The following TPH2 variants were observed in gnomAD, a reference collection of about 807,000 sequenced individuals.
TPH2 encodes the protein tryptophan 5-hydroxylase 2.
In TPH2, 27 loss-of-function variants were observed where a neutral mutation model predicts 59.1. The ratio of observed to expected loss-of-function variants is 0.46; its 90% CI spans 0.34 to 0.63. TPH2 has a LOEUF of 0.63. Among genes scored for constraint, TPH2 ranks in the 30% least tolerant of loss-of-function variants. TPH2 has a pLI of 0.01. For synonymous variants in TPH2, 220 were observed against 210.5 expected (o/e 1.05, Z -0.39); for missense variants, 523 against 588.3 (o/e 0.89, Z 1.15).
chr12:71,945,390 T>C (rs1349304909), intron 4 of TPH2, among the ~76,000 whole-genome samples: 1 of 152,160 alleles, frequency 6.6e-6, no homozygotes, highest in Non-Finnish European at 1.5e-5. Flanking sequence ...GTTAATAGTC[T>C]GGGAGAAGTA....
Position 72,031,587 on chromosome 12 carries a change from A to T in TPH2, c.1365A>T (p.Glu455Asp). Reference sequence around the variant, plus strand: ...TCAATCCCTACACACAGAGTATTGAAATTCTGAAAGACACCAGAAGTATTG... The same window carrying T: ...TCAATCCCTACACACAGAGTATTGATATTCTGAAAGACACCAGAAGTATTG... ...VYFNPYTQSIEILKDTRSIEN... is the reference protein window; with the variant it reads ...VYFNPYTQSIDILKDTRSIEN... Residue 455 changes from glutamate (E) to aspartate (D), a missense_variant, in exon 11 of 11, where the codon GAA (glutamate) becomes GAT (aspartate). Physicochemically the swap from Glu to Asp is conservative, Grantham distance 45 (BLOSUM62 2). Transcript: ENST00000333850. 1.2e-6 allele frequency: 2 copies of T among 1,613,656 alleles called. No individual in the cohort carries two copies. Among genetic ancestry groups the T allele is most frequent in the Non-Finnish European group, 1.7e-6 (2 of 1,179,652 alleles).
chr12:71,971,509 C>T (rs754834909), intron 5 of TPH2, among the ~76,000 whole-genome samples: 3 of 152,174 alleles, frequency 2.0e-5, no homozygotes, highest in Non-Finnish European at 4.4e-5. Flanking sequence ...GTATTCTCCT[C>T]CTTCTACCCA....
At chr12:71,977,294 C>T (rs1055328254) in intron 6 of TPH2, among the ~76,000 whole-genome samples, 2 of 152,080 alleles carry the variant, frequency 1.3e-5, no homozygotes, top group Admixed American at 6.6e-5. Flanking sequence ...TGGCTTCAAA[C>T]CATCCACCCA....
intron 7 of TPH2, among the ~76,000 whole-genome samples, chr12:71,985,334 TTTGTTGTTG>T (rs575391023): frequency 1.3e-5 from 2 of 152,064 alleles, no homozygotes; most frequent in Admixed American, 6.5e-5. Context: ...GAATAGCATT[TTTGTTGTTG>T]TTGTTGTTGT....
chr12:72,016,057 T>C (rs1417314516), intron 8 of TPH2, among the ~76,000 whole-genome samples: 1 of 152,226 alleles, frequency 6.6e-6, no homozygotes, highest in Non-Finnish European at 1.5e-5. Flanking sequence ...GGGAAACTTG[T>C]GCATGATTCC....
intron 5 of TPH2, among the ~76,000 whole-genome samples, chr12:71,954,939 T>C (rs2632290): frequency 6.6e-6 from 1 of 152,188 alleles, no homozygotes; most frequent in African/African-American, 2.4e-5. Flanking sequence ...TTGCTTAAAT[T>C]GATTTTGAAT....
chr12:71,943,089 T>G (rs1871117435), intron 2 of TPH2, among the ~76,000 whole-genome samples: 1 of 152,210 alleles, frequency 6.6e-6, no homozygotes, highest in African/African-American at 2.4e-5. Context: ...ACACAATGTA[T>G]GTGAAGTCTA....
chr12:71,952,692 C>T (rs1215712492), intron 5 of TPH2, among the ~76,000 whole-genome samples: 1 of 152,154 alleles, frequency 6.6e-6, no homozygotes, highest in East Asian at 1.9e-4. Context: ...GCATTGGACT[C>T]CAATAGTCTG....
At chr12:71,991,029 T>C (rs563825336) in intron 7 of TPH2, among the ~76,000 whole-genome samples, 1 of 152,338 alleles carries the variant, frequency 6.6e-6, no homozygotes, top group South Asian at 2.1e-4. Context: ...TCCTCTTCTA[T>C]GTGTAGTTAG....
chr12:72,008,164 T>C (rs572058431), intron 8 of TPH2, among the ~76,000 whole-genome samples: 1 of 152,276 alleles, frequency 6.6e-6, no homozygotes, highest in Admixed American at 6.5e-5. Context: ...TGATCAAAGG[T>C]GGCTTCCTGA....
At chr12:71,993,771 G>A (rs1021989805) in intron 7 of TPH2, among the ~76,000 whole-genome samples, 3 of 152,214 alleles carry the variant, frequency 2.0e-5, no homozygotes, top group African/African-American at 7.2e-5. Flanking sequence ...TTGCCTGGCA[G>A]AGTGTAACAG....
intron 5 of TPH2, among the ~76,000 whole-genome samples, chr12:71,960,443 AT>A (rs537539672): frequency 4.4e-4 from 67 of 152,360 alleles, no homozygotes; most frequent in African/African-American, 1.6e-3. Context: ...TCTTATAAGT[AT>A]TTAAAATACT....
At chr12:71,947,815 C>T (rs1349896308) in intron 4 of TPH2, among the ~76,000 whole-genome samples, 2 of 152,086 alleles carry the variant, frequency 1.3e-5, no homozygotes, top group Non-Finnish European at 2.9e-5. Context: ...GAGTAAATCG[C>T]TCTCTTGCGT....
Position 72,031,619 on chromosome 12 carries a change from T to C in TPH2, c.1397T>C (p.Val466Ala). ...ILKDTRSIEN[V>A]VQDLRSDLNT... ...AAAGACACCAGAAGTATTGAAAATG[T>C]GGTGCAGGACCTTCGCAGCGACTTG... The change falls in exon 11 of 11, where the codon GTG (valine) becomes GCG (alanine). Residue 466 changes from valine to alanine, a missense_variant. Transcript: ENST00000333850. The C allele has an allele frequency of 6.2e-7, 1 of 1,613,684 alleles. No individual in the cohort carries two copies. Among genetic ancestry groups the C allele is most frequent in the Non-Finnish European group, 8.5e-7 (1 of 1,179,624 alleles).
At chr12:71,942,002 C>A (rs150631529) in intron 2 of TPH2, among the ~76,000 whole-genome samples, 1 of 152,112 alleles carries the variant, frequency 6.6e-6, no homozygotes, top group Non-Finnish European at 1.5e-5. Context: ...ACTTCAAAAA[C>A]GTGAGCTTCA....
chr12:72,018,528 A>G (rs1873319406), intron 8 of TPH2, among the ~76,000 whole-genome samples: 1 of 152,212 alleles, frequency 6.6e-6, no homozygotes, highest in Non-Finnish European at 1.5e-5. Flanking sequence ...ACCATGAATT[A>G]TGTATGCATT....
At chr12:71,980,350 G>A (rs1383722933) in intron 7 of TPH2, among the ~76,000 whole-genome samples, 5 of 152,078 alleles carry the variant, frequency 3.3e-5, no homozygotes, top group Non-Finnish European at 7.4e-5. Flanking sequence ...CATGGTCTTC[G>A]CTGGGGAGCA....
At chr12:71,982,798 G>A (rs1173912439) in intron 7 of TPH2, among the ~76,000 whole-genome samples, 1 of 152,216 alleles carries the variant, frequency 6.6e-6, no homozygotes, top group African/African-American at 2.4e-5. Flanking sequence ...GGTGAGCACT[G>A]AAGACCCAGG....
chr12:72,006,782 A>C (rs1360384307), intron 8 of TPH2, among the ~76,000 whole-genome samples: 6 of 152,174 alleles, frequency 3.9e-5, no homozygotes, highest in African/African-American at 1.4e-4. Context: ...ACTTTGCACA[A>C]GTTACTTAAC....
Sources: allele counts gnomAD v4.1 joint callset (sites outside exome capture counted in the v4.1 genomes callset), GRCh38; gene constraint gnomAD v4.1.1; transcripts MANE v1.5; gene names NCBI Gene and HGNC (gene_info 2026-07-23, HGNC 2026-07-21).